The following CCN6 variants were observed in gnomAD, a reference collection of about 807,000 sequenced individuals.
CCN6 encodes CCN family member 6.
A neutral mutation model predicts 37.4 loss-of-function variants in CCN6; 31 were observed. The ratio of observed to expected loss-of-function variants is 0.83; its 90% CI spans 0.62 to 1.12. CCN6 has a LOEUF of 1.12. Ranked by LOEUF, CCN6 falls within the 50% of genes most tolerant of loss-of-function variation. The pLI is 0.00. For synonymous variants in CCN6, 137 were observed against 142.1 expected (o/e 0.96, Z 0.26); for missense variants, 369 against 413.8 (o/e 0.89, Z 0.94).
chr6:112,065,627 C>T (rs1554313828), intron 3 of CCN6, among the ~76,000 whole-genome samples: 1 of 116,916 alleles, frequency 8.6e-6, no homozygotes, highest in Non-Finnish European at 1.9e-5. Context: ...CACACGCACG[C>T]ACACACACAC....
intron 2 of CCN6, among the ~76,000 whole-genome samples, chr6:112,064,423 G>C (rs1411198462): frequency 6.6e-6 from 1 of 152,176 alleles, no homozygotes; most frequent in Admixed American, 6.5e-5. Flanking sequence ...CTAGCCTATT[G>C]TTGGATGTCT....
chr6:112,054,489 A>G (rs1776286369), intron 1 of CCN6, 84 bp downstream of exon 1: 4 of 1,306,546 alleles, frequency 3.1e-6, no homozygotes, highest in Admixed American at 1.7e-5. Context: ...CAAAACGAAG[A>G]TGGAGGAAGA....
chr6:112,068,599 T>C (rs1241266574), intron 4 of CCN6, among the ~76,000 whole-genome samples: 1 of 152,106 alleles, frequency 6.6e-6, no homozygotes, highest in Non-Finnish European at 1.5e-5. Context: ...CCAGAGCAGA[T>C]TCTAACTTCT....
In CCN6 at chr6:112,063,537, CATTA is replaced by C. The variant is rs1189760692; in HGVS notation, c.347-1215_347-1212del. On this transcript the variant is annotated intron_variant, in intron 2 of 4. Transcript: ENST00000368666. The stretch of plus-strand genomic sequence containing the variant: ...ATTATGTAATATCTAAAAAAAATCA[CATTA>C]ATATCATCCTCACCAGAAAAGTCTA... Among the ~76,000 whole-genome samples, 4 of 152,242 alleles carry C rather than the reference CATTA, an allele frequency of 2.6e-5. No homozygotes were observed. The East Asian group carries it at 7.7e-4, about 29-fold the overall frequency.
intron 1 of CCN6, among the ~76,000 whole-genome samples, chr6:112,059,291 AAAC>A (rs1776438097): frequency 6.6e-6 from 1 of 152,202 alleles, no homozygotes; most frequent in Non-Finnish European, 1.5e-5. Flanking sequence ...GAATGGCTTA[AAAC>A]AACATGATTA....
intron 3 of CCN6, chr6:112,067,079 C>A: frequency 7.6e-7 from 1 of 1,310,586 alleles, no homozygotes; most frequent in Non-Finnish European, 1.0e-6. Flanking sequence ...TGTGCAATTG[C>A]AAGAGACTCT....
rs121908899 is a variant in CCN6 at position 112,064,842 on chromosome 6, G to C, written c.434G>C (p.Cys145Ser). 17 of 1,614,120 alleles carry C rather than the reference G, an allele frequency of 1.1e-5. No homozygotes were observed. The highest frequency in any genetic ancestry group is 1.2e-5 in the Non-Finnish European group (14 of 1,179,972). ...CCCAACCCCTTGTTCAGCTGCCTCT[G>C]TGTGAGTGGGGCCATTGGATGCACA... The part of the protein sequence containing the change: ...FQPNPLFSCL[C>S]VSGAIGCTPL... Residue 145 changes from cysteine to serine, a missense_variant, in exon 3 of 5, where the codon TGT becomes TCT. Coordinates refer to ENST00000368666, the MANE Select transcript of CCN6 (RefSeq NM_198239.2).
chr6:112,054,642 C>T (rs587646320), intron 1 of CCN6: 5 of 525,642 alleles, frequency 9.5e-6, no homozygotes, highest in Admixed American at 6.1e-5. Context: ...CCGAAGCCTC[C>T]TTTCGCTATG....
intron 1 of CCN6, chr6:112,059,893 G>C: frequency 8.0e-7 from 1 of 1,244,180 alleles, no homozygotes; most frequent in African/African-American, 1.5e-5. Flanking sequence ...TAGGTAATAA[G>C]AAAGGTGGTA....
intron 2 of CCN6, 160 bp downstream of exon 2, chr6:112,061,448 A>G (rs1390569167): frequency 1.2e-6 from 1 of 862,598 alleles, no homozygotes; most frequent in Admixed American, 2.1e-5. Flanking sequence ...ATTGGATACT[A>G]TGTGAAATTA....
chr6:112,054,484 C>CAAAA, intron 1 of CCN6, 79 bp downstream of exon 1: 3 of 1,366,254 alleles, frequency 2.2e-6, no homozygotes, highest in East Asian at 2.3e-5. Flanking sequence ...CTAAACAAAA[C>CAAAA]GAAGATGGAG....
intron 1 of CCN6, chr6:112,054,916 G>A (rs1428246440): frequency 5.5e-6 from 1 of 181,140 alleles, no homozygotes; most frequent in Non-Finnish European, 1.2e-5. Context: ...TCTTTTCTCA[G>A]TCCATGTGTT....
At chr6:112,067,248 A>G (rs1554314205) in intron 3 of CCN6, among the ~76,000 whole-genome samples, 1 of 152,010 alleles carries the variant, frequency 6.6e-6, no homozygotes, top group Admixed American at 6.6e-5. Context: ...TTTGCTGTGC[A>G]GACTCAAATC....
At chr6:112,066,871 G>C (rs968620189) in intron 3 of CCN6, 1 of 971,000 alleles carries the variant, frequency 1.0e-6, no homozygotes. Flanking sequence ...TAGTTTTCTT[G>C]CTTTTTAATG....
At chr6:112,067,583 A>C (rs782092825) in intron 3 of CCN6, among the ~76,000 whole-genome samples, 2 of 152,138 alleles carry the variant, frequency 1.3e-5, no homozygotes, top group Non-Finnish European at 2.9e-5. Flanking sequence ...GCCTAAGAAC[A>C]TAGGGAGTGT....
At chr6:112,055,254 G>T (rs1272273065) in intron 1 of CCN6, among the ~76,000 whole-genome samples, 1 of 152,194 alleles carries the variant, frequency 6.6e-6, no homozygotes, top group Admixed American at 6.5e-5. Context: ...ATCATGACAA[G>T]AATGTCAGTG....
chr6:112,061,860 T>C (rs975810861), intron 2 of CCN6, among the ~76,000 whole-genome samples: 4 of 152,206 alleles, frequency 2.6e-5, no homozygotes, highest in South Asian at 2.1e-4. Context: ...CATCTAAACA[T>C]TGACACTAAT....
intron 3 of CCN6, among the ~76,000 whole-genome samples, chr6:112,066,409 C>T (rs1290761558): frequency 6.6e-6 from 1 of 152,098 alleles, no homozygotes; most frequent in East Asian, 1.9e-4. Flanking sequence ...CCCTTTGGAT[C>T]AAGTTCAAGT....
intron 2 of CCN6, among the ~76,000 whole-genome samples, chr6:112,064,523 C>T (rs1270949023): frequency 6.6e-6 from 1 of 152,138 alleles, no homozygotes. Flanking sequence ...TTTACTTGGT[C>T]TTAATTCTGG....
Sources: allele counts gnomAD v4.1 joint callset (sites outside exome capture counted in the v4.1 genomes callset), GRCh38; gene constraint gnomAD v4.1.1; transcripts MANE v1.5; gene names NCBI Gene and HGNC (gene_info 2026-07-23, HGNC 2026-07-21).